Variants in ZC3H12C observed in about 807,000 individuals in gnomAD.
ZC3H12C encodes the protein zinc finger CCCH-type containing 12C, also known as probable ribonuclease ZC3H12C.
A neutral mutation model predicts 76.3 loss-of-function variants in ZC3H12C; 20 were observed. The ratio of observed to expected loss-of-function variants is 0.26; its 90% confidence interval spans 0.18 to 0.38. The LOEUF is 0.38. ZC3H12C is among the 10% of genes least tolerant of loss of function. ZC3H12C has a pLI of 1.00. For synonymous variants in ZC3H12C, 352 were observed against 399.6 expected (o/e 0.88, Z 1.42); for missense variants, 874 against 1,086.5 (o/e 0.80, Z 2.75).
At chr11:110,152,364 AT>A (rs1025044817) in intron 2 of ZC3H12C, among the ~76,000 whole-genome samples, 3 of 152,234 alleles carry the variant, frequency 2.0e-5, no homozygotes, top group Non-Finnish European at 4.4e-5. Flanking sequence ...GAGATTAAGC[AT>A]TGTGAACATG....
rs564780227 is a variant in ZC3H12C, at chr11:110,157,178, CAA to C, written c.914-2064_914-2063del. ...TGGGTGACGGAGCAAGACTCCGTCT[CAA>C]AAAAAAAAAAAAACAGAGAGATCAG... On this transcript the variant is annotated intron_variant, in intron 3 of 5. Coordinates refer to ENST00000278590, the MANE Select transcript of ZC3H12C (RefSeq NM_033390.2). Among the ~76,000 whole-genome samples, 10 of 101,342 alleles carry C rather than the reference CAA, an allele frequency of 9.9e-5. No homozygotes were observed. In the South Asian group the frequency reaches 1.6e-3, roughly 16 times the overall value. The allele number at this position is 101,342 out of a possible 152,430, so 66.5% of individuals were successfully genotyped here.
Position 110,169,885 on chromosome 11 carries a change from G to C in ZC3H12C, c.*4148G>C, listed in dbSNP as rs1008776258. The C allele has an allele frequency of 6.6e-5, 10 of 152,178 alleles. No individual in the cohort carries two copies. The highest frequency in any genetic ancestry group is 2.4e-4 in the African/African-American group (10 of 41,448). 9.4% of individuals were successfully genotyped at this position (152,178 alleles called of 1,614,324 possible). ...TAAAAACTACTCAGCTCTGCCTTTA[G>C]AGCATAAGAACAGCCACAGATAACA... On this transcript the variant is annotated 3_prime_UTR_variant, in exon 6 of 6. Transcript: ENST00000278590.
chr11:110,145,721 T>A (rs1862155028), intron 2 of ZC3H12C, among the ~76,000 whole-genome samples: 1 of 152,056 alleles, frequency 6.6e-6, no homozygotes. Flanking sequence ...GCATGGAAGA[T>A]CCCCAGCACA....
At chr11:110,149,752 C>T (rs1055193668) in intron 2 of ZC3H12C, among the ~76,000 whole-genome samples, 6 of 152,106 alleles carry the variant, frequency 3.9e-5, no homozygotes, top group South Asian at 2.1e-4. Context: ...TTTTAATATA[C>T]GAGAGTACTT....
chr11:110,109,946 T>C (rs1349564441), intron 1 of ZC3H12C, among the ~76,000 whole-genome samples: 1 of 152,174 alleles, frequency 6.6e-6, no homozygotes, highest in Non-Finnish European at 1.5e-5. Flanking sequence ...ATTTCTATTT[T>C]CCAGGTTTGA....
chr11:110,136,053 TTCTG>T (rs1861953297), intron 1 of ZC3H12C: 1 of 152,268 alleles, frequency 6.6e-6, no homozygotes, highest in Non-Finnish European at 1.5e-5. Flanking sequence ...TTTAATTCCC[TTCTG>T]TCTATCTTAG....
At chr11:110,104,044 A>G (rs1430820036) in intron 1 of ZC3H12C, among the ~76,000 whole-genome samples, 2 of 143,602 alleles carry the variant, frequency 1.4e-5, no homozygotes, top group Non-Finnish European at 1.5e-5. Flanking sequence ...CAATTCAGTC[A>G]TATCTTTAGG....
chr11:110,165,541 C>G lies in ZC3H12C; in HGVS notation c.2456C>G (p.Ala819Gly), dbSNP rs771692611. 19 of 1,613,596 alleles carry G rather than the reference C, an allele frequency of 1.2e-5. No individual in the cohort carries two copies. The highest frequency in any genetic ancestry group is 1.4e-5 in the Non-Finnish European group (17 of 1,179,758). The change falls in exon 6 of 6, where the codon GCC becomes GGC. Residue 819 changes from alanine to glycine, a missense_variant. Physicochemically the swap from Ala to Gly is moderately conservative, Grantham distance 60 (BLOSUM62 0). This residue lies in a region of ZC3H12C where 395 missense variants were observed against 434.4 expected (regional missense o/e 0.91). Transcript: ENST00000278590. ...FQSLPEQQEPAWRIPYCGMPQ... is the reference protein window; with the variant it reads ...FQSLPEQQEPGWRIPYCGMPQ... ...AGCCTCCCTGAGCAACAGGAGCCAGCCTGGCGGATCCCATACTGTGGAATG... is the reference window on the plus strand; with the variant it reads ...AGCCTCCCTGAGCAACAGGAGCCAGGCTGGCGGATCCCATACTGTGGAATG...
intron 1 of ZC3H12C, among the ~76,000 whole-genome samples, chr11:110,106,843 G>C (rs1462177575): frequency 6.6e-6 from 1 of 152,080 alleles, no homozygotes; most frequent in Non-Finnish European, 1.5e-5. Context: ...GTGATTTTCA[G>C]GTTCTATAAT....
Position 110,167,158 on chromosome 11 carries a change from T to G in ZC3H12C, c.*1421T>G, listed in dbSNP as rs1441818189. ...AATTGTACTTCACGTAACAGATGCA[T>G]TCAGATCTTTTTCTGTAGTCTGCTT... is the stretch of plus-strand genomic sequence containing the variant. On this transcript the variant is annotated 3_prime_UTR_variant, in exon 6 of 6. Coordinates refer to ENST00000278590, the MANE Select transcript of ZC3H12C (RefSeq NM_033390.2). The G allele has an allele frequency of 6.6e-6, 1 of 152,224 alleles. No homozygotes were observed. The highest frequency in any genetic ancestry group is 1.5e-5 in the Non-Finnish European group (1 of 68,016). 9.4% of individuals were successfully genotyped at this position (152,224 alleles called of 1,614,324 possible). A position where few individuals can be genotyped will look rare whatever the true frequency, so the allele number is the denominator to read the frequency against.
chr11:110,153,697 A>G (rs1303752077), intron 3 of ZC3H12C, among the ~76,000 whole-genome samples: 2 of 152,170 alleles, frequency 1.3e-5, no homozygotes, highest in African/African-American at 2.4e-5. Context: ...GAGCCACACA[A>G]TGAACCCCTT....
rs779618188 is a variant in ZC3H12C at position 110,137,353 on chromosome 11, G to A, written c.712G>A (p.Val238Ile). The change falls in exon 2 of 6, where the codon GTA becomes ATA. Residue 238 changes from valine (V) to isoleucine (I), a missense_variant. Val to Ile is a conservative substitution (Grantham distance 29, BLOSUM62 3). This residue lies in a region of ZC3H12C where 269 missense variants were observed against 424.9 expected (regional missense o/e 0.63). Transcript: ENST00000278590. ...QRSESPMQEI[V>I]TDDGENLRPI... ...GTCTGAATCTCCAATGCAAGAGATTGTAACAGATGATGGTGAAAATCTGAG... is the reference window on the plus strand; with the variant it reads ...GTCTGAATCTCCAATGCAAGAGATTATAACAGATGATGGTGAAAATCTGAG... 1.2e-6 allele frequency: 2 copies of A among 1,613,558 alleles called. No homozygotes were observed. The highest frequency in any genetic ancestry group is 1.7e-6 in the Non-Finnish European group (2 of 1,179,834).
At position 110,164,345 on chromosome 11, in the gene ZC3H12C, G is replaced by T; in HGVS notation, c.1260G>T (p.Lys420Asn). The change falls in exon 6 of 6, where the codon AAG becomes AAT. Residue 420 changes from lysine (K) to asparagine (N), a missense_variant. Around this residue, in one of 3 missense-constraint regions of ZC3H12C, gnomAD observed 269 missense variants for 424.9 expected, o/e 0.63. Coordinates refer to ENST00000278590, the MANE Select transcript of ZC3H12C (RefSeq NM_033390.2). This position sits in a 1 kb window ranked among gnomAD's most constrained non-coding sequence, Gnocchi z 5.7. ...EHKKQPCPYGKKCTYGHKCKY... is the reference protein window; with the variant it reads ...EHKKQPCPYGNKCTYGHKCKY... ...AATTAATTTTACTCTTCTTAGGAAAGAAGTGTACCTATGGACACAAGTGCA... is the reference window on the plus strand; with the variant it reads ...AATTAATTTTACTCTTCTTAGGAAATAAGTGTACCTATGGACACAAGTGCA... 1 of 1,606,102 alleles carries T rather than the reference G, an allele frequency of 6.2e-7. No homozygotes were observed. Among genetic ancestry groups the T allele is most frequent in the Non-Finnish European group, 8.5e-7 (1 of 1,176,472 alleles).
Position 110,147,552 on chromosome 11 carries a change from G to A in ZC3H12C, c.774-5367G>A, listed in dbSNP as rs181224073. Among the ~76,000 whole-genome samples, 602 of 151,546 alleles carry A rather than the reference G, an allele frequency of 4.0e-3. 5 individuals are homozygous for A. The highest frequency in any genetic ancestry group is 6.3e-3 in the Non-Finnish European group (428 of 67,922). ...TTGATAGGTGCAGCACACCACCATG[G>A]CACATGTATACCTATGTAACAAACC... On this transcript the variant is annotated intron_variant, in intron 2 of 5. Transcript: ENST00000278590.
chr11:110,117,725 T>C (rs1042729247), intron 1 of ZC3H12C, among the ~76,000 whole-genome samples: 5 of 14,238 alleles, frequency 3.5e-4, no homozygotes, highest in South Asian at 1.1e-3. Context: ...CACACACACA[T>C]ATATATATAC....
intron 1 of ZC3H12C, among the ~76,000 whole-genome samples, chr11:110,118,626 G>A (rs1350652154): frequency 1.3e-5 from 2 of 151,990 alleles, no homozygotes; most frequent in African/African-American, 4.8e-5. Context: ...GTAAAGCCCC[G>A]TCTCTACTGA....
chr11:110,165,518 C>T lies in ZC3H12C; in HGVS notation c.2433C>T (p.Ser811=). 6.2e-7 allele frequency: 1 copy of T among 1,613,984 alleles called. No homozygotes were observed. Among genetic ancestry groups the T allele is most frequent in the Non-Finnish European group, 8.5e-7 (1 of 1,179,870 alleles). Residue 811 remains serine, a synonymous_variant, in exon 6 of 6, where the codon AGC becomes AGT. Coordinates refer to ENST00000278590, the MANE Select transcript of ZC3H12C (RefSeq NM_033390.2). Reference sequence around the variant, plus strand: ...GTTATGAGCAGTTCACCTTCCAGAGCCTCCCTGAGCAACAGGAGCCAGCCT... The same window carrying T: ...GTTATGAGCAGTTCACCTTCCAGAGTCTCCCTGAGCAACAGGAGCCAGCCT... ...QPCYEQFTFQ[S]LPEQQEPAWR...
intron 1 of ZC3H12C, among the ~76,000 whole-genome samples, chr11:110,105,987 A>G (rs112648725): frequency 0.011 from 813 of 76,210 alleles, 321 homozygotes; most frequent in African/African-American, 0.04. Context: ...AAGTTATACC[A>G]GCCGGGCGCG....
intron 4 of ZC3H12C, among the ~76,000 whole-genome samples, chr11:110,159,746 G>C (rs1178818208): frequency 1.3e-5 from 2 of 152,192 alleles, no homozygotes; most frequent in Admixed American, 6.5e-5. Flanking sequence ...AGTCTTCTAA[G>C]ACTATGTCTG....
Sources: allele counts gnomAD v4.1 joint callset (sites outside exome capture counted in the v4.1 genomes callset), GRCh38; gene constraint gnomAD v4.1.1; regional missense constraint gnomAD v4.1.1; non-coding constraint Gnocchi (gnomAD v3.1); transcripts MANE v1.5; gene names NCBI Gene and HGNC (gene_info 2026-07-23, HGNC 2026-07-21).